The following WDR41 variants were observed in gnomAD, a reference collection of about 807,000 sequenced individuals.
WDR41 encodes WD repeat domain 41, also known as WD repeat-containing protein 41.
A neutral mutation model predicts 69.3 loss-of-function variants in WDR41; 63 were observed. The ratio of observed to expected loss-of-function variants is 0.91; its 90% CI spans 0.74 to 1.12. WDR41 has a LOEUF of 1.12. Among genes scored for constraint, WDR41 ranks in the 50% most tolerant of loss-of-function variants. The pLI is 0.00. For synonymous variants in WDR41, 185 were observed against 192.1 expected (o/e 0.96, Z 0.31); for missense variants, 543 against 534.5 (o/e 1.02, Z -0.16).
intron 8 of WDR41, among the ~76,000 whole-genome samples, chr5:77,444,659 G>A (rs950913969): frequency 2.0e-5 from 3 of 152,218 alleles, no homozygotes; most frequent in African/African-American, 7.2e-5. Context: ...TAATGGGTGA[G>A]GAGAAAGGAG....
At chr5:77,576,193 T>G (rs1161750771) in intron 1 of WDR41, among the ~76,000 whole-genome samples, 1 of 152,132 alleles carries the variant, frequency 6.6e-6, no homozygotes, top group Non-Finnish European at 1.5e-5. Flanking sequence ...TTCAGCCCCA[T>G]TCCCTCCTGT....
intron 1 of WDR41, among the ~76,000 whole-genome samples, chr5:77,572,049 A>C (rs767351046): frequency 1.3e-5 from 2 of 152,178 alleles, no homozygotes; most frequent in Non-Finnish European, 2.9e-5. Context: ...TAGTGTGTTC[A>C]GGATGAAACC....
chr5:77,482,175 T>G (rs1254888944), intron 2 of WDR41, among the ~76,000 whole-genome samples: 1 of 152,236 alleles, frequency 6.6e-6, no homozygotes, highest in Non-Finnish European at 1.5e-5. Context: ...GTGTCTTATC[T>G]GCACCCAGTC....
intron 1 of WDR41, among the ~76,000 whole-genome samples, chr5:77,519,878 T>C (rs147078009): frequency 2.6e-5 from 4 of 151,866 alleles, no homozygotes; most frequent in African/African-American, 7.2e-5. Context: ...GGATTGCTCA[T>C]TGAAAATATT....
At chr5:77,566,633 C>T (rs1743634959) in intron 1 of WDR41, among the ~76,000 whole-genome samples, 1 of 152,074 alleles carries the variant, frequency 6.6e-6, no homozygotes, top group South Asian at 2.1e-4. Flanking sequence ...GGGTGTGGTG[C>T]ATACATATGC....
chr5:77,595,171 A>G (rs1261559241), intron 1 of WDR41, among the ~76,000 whole-genome samples: 1 of 152,224 alleles, frequency 6.6e-6, no homozygotes, highest in Non-Finnish European at 1.5e-5. Context: ...TTCATTTGCT[A>G]TAAAGTCTTT....
intron 1 of WDR41, among the ~76,000 whole-genome samples, chr5:77,579,905 C>CAA (rs201212713): frequency 1.3e-5 from 2 of 151,244 alleles, no homozygotes; most frequent in Admixed American, 6.6e-5. Flanking sequence ...CCAATGGCAG[C>CAA]AAAAAAAATG....
intron 1 of WDR41, among the ~76,000 whole-genome samples, chr5:77,525,436 T>G (rs1802431352): frequency 6.6e-6 from 1 of 152,124 alleles, no homozygotes; most frequent in African/African-American, 2.4e-5. Context: ...ACAGTCTGTG[T>G]GAAGGTACAT....
chr5:77,467,421 T>G (rs973442691), intron 2 of WDR41, among the ~76,000 whole-genome samples: 1 of 152,016 alleles, frequency 6.6e-6, no homozygotes, highest in African/African-American at 2.4e-5. Flanking sequence ...TATGATTGTT[T>G]AGAAATGTAC....
intron 1 of WDR41, among the ~76,000 whole-genome samples, chr5:77,569,428 A>G (rs1360564013): frequency 6.6e-6 from 1 of 152,166 alleles, no homozygotes; most frequent in Admixed American, 6.5e-5. Context: ...TGCTGTGAGT[A>G]TTGTTTGTAT....
At chr5:77,612,368 G>A (rs924066414) in intron 1 of WDR41, among the ~76,000 whole-genome samples, 1 of 152,174 alleles carries the variant, frequency 6.6e-6, no homozygotes, top group Non-Finnish European at 1.5e-5. Flanking sequence ...CAATATCCTT[G>A]ATGAACATTG....
chr5:77,605,606 CCAAAGA>C (rs1312722416), intron 1 of WDR41, among the ~76,000 whole-genome samples: 1 of 152,126 alleles, frequency 6.6e-6, no homozygotes. Context: ...GGAGAATGAC[CCAAAGA>C]CAAAGGCTCA....
chr5:77,603,318 T>C (rs1418465300), intron 1 of WDR41, among the ~76,000 whole-genome samples: 1 of 152,228 alleles, frequency 6.6e-6, no homozygotes, highest in Non-Finnish European at 1.5e-5. Flanking sequence ...TGATGATTAA[T>C]GATGTTGAGC....
At chr5:77,469,630 T>C (rs942019019) in intron 2 of WDR41, among the ~76,000 whole-genome samples, 4 of 152,116 alleles carry the variant, frequency 2.6e-5, no homozygotes, top group Non-Finnish European at 4.4e-5. Flanking sequence ...CTGCCTGAAG[T>C]CATTATTACA....
chr5:77,447,885 A>C (rs1476395835), intron 8 of WDR41, among the ~76,000 whole-genome samples: 2 of 152,160 alleles, frequency 1.3e-5, no homozygotes, highest in African/African-American at 2.4e-5. Context: ...TTTTAGAAGA[A>C]ATTTTTTAAA....
At chr5:77,518,385 T>G (rs1427239713) in intron 1 of WDR41, among the ~76,000 whole-genome samples, 3 of 152,162 alleles carry the variant, frequency 2.0e-5, no homozygotes, top group Non-Finnish European at 4.4e-5. Flanking sequence ...CCATTATTCC[T>G]TCTTTGTAAT....
chr5:77,587,161 A>T (rs2112301527), intron 1 of WDR41, among the ~76,000 whole-genome samples: 1 of 151,414 alleles, frequency 6.6e-6, no homozygotes, highest in Admixed American at 6.6e-5. Flanking sequence ...AAATTTTGTT[A>T]CCTTAGATTA....
At chr5:77,460,538 G>T (rs2151319443) in intron 4 of WDR41, among the ~76,000 whole-genome samples, 1 of 152,180 alleles carries the variant, frequency 6.6e-6, no homozygotes, top group South Asian at 2.1e-4. Flanking sequence ...TTTAATTAAG[G>T]AAGTTAGTTT....
At chr5:77,491,463 G>A (rs1005010461) in intron 1 of WDR41, among the ~76,000 whole-genome samples, 2 of 152,056 alleles carry the variant, frequency 1.3e-5, no homozygotes, top group Non-Finnish European at 2.9e-5. Context: ...GTTCTTGTGT[G>A]GCATACGAAA....
Sources: gnomAD v4.1 joint callset for allele counts (sites outside exome capture counted in the v4.1 genomes callset) on GRCh38, gnomAD v4.1.1 for gene constraint, MANE v1.5 for transcripts, NCBI Gene and HGNC (gene_info 2026-07-23, HGNC 2026-07-21) for gene names.